IL1RN: variants seen among roughly 807,000 people sequenced by gnomAD.
IL1RN encodes the protein interleukin-1 receptor antagonist protein.
IL1RN carries 10 observed loss-of-function variants against 13.7 expected under a neutral mutation model. The observed-to-expected ratio is 0.73, with a 90% confidence interval of 0.45 to 1.24. The LOEUF is 1.24. Ranked by LOEUF, IL1RN falls within the 50% of genes most tolerant of loss-of-function variation. The probability of loss-of-function intolerance (pLI) is 0.00; values close to 1 mark genes in which losing one functional copy is unlikely to be tolerated. For missense variants in IL1RN, 213 were observed against 222.1 expected (o/e 0.96, Z 0.26); for synonymous variants, 102 against 82.7 (o/e 1.23, Z -1.27).
upstream of IL1RN, among the ~76,000 whole-genome samples, chr2:113,113,865 A>G (rs369597570): frequency 6.6e-6 from 1 of 152,262 alleles, no homozygotes; most frequent in African/African-American, 2.4e-5. Context: ...CCACGGACTC[A>G]TGTCTGTGAG....
At chr2:113,127,525 G>T, upstream of IL1RN, 1 of 1,515,104 alleles carries the variant, frequency 6.6e-7, no homozygotes. Context: ...CTCGCAGTGG[G>T]GCAGGGTGGC....
At chr2:113,127,791 G>T in intron 1 of IL1RN, 51 bp downstream of exon 1, 1 of 1,582,038 alleles carries the variant, frequency 6.3e-7, no homozygotes. Flanking sequence ...CTGGAGACTG[G>T]AAACATATCA....
rs1687232172 is a variant in IL1RN at position 113,133,082 on chromosome 2, T to C, written c.*211T>C. Reference sequence around the variant, plus strand: ...GCTGCCTCCAGAATGGTCTTTCTAATGTGTGAATCAGAGCACAGCAGCCCC... The same window carrying C: ...GCTGCCTCCAGAATGGTCTTTCTAACGTGTGAATCAGAGCACAGCAGCCCC... On this transcript the variant is annotated 3_prime_UTR_variant, in exon 4 of 4. Coordinates refer to ENST00000409930, the MANE Select transcript of IL1RN (RefSeq NM_173842.3). The C allele has an allele frequency of 1.6e-6, 1 of 632,816 alleles. No individual in the cohort carries two copies. Among genetic ancestry groups the C allele is most frequent in the South Asian group, 1.8e-5 (1 of 56,152 alleles). 39.2% of individuals were successfully genotyped at this position (632,816 alleles called of 1,614,324 possible).
upstream of IL1RN, among the ~76,000 whole-genome samples, chr2:113,125,904 TC>T (rs1169603909): frequency 6.6e-6 from 1 of 152,200 alleles, no homozygotes; most frequent in Non-Finnish European, 1.5e-5. Flanking sequence ...GTTCAAGTGA[TC>T]CTCCTGCCTC....
upstream of IL1RN, chr2:113,127,596 G>A (rs1402584065): frequency 6.2e-7 from 1 of 1,612,304 alleles, no homozygotes; most frequent in Non-Finnish European, 8.5e-7. Flanking sequence ...GCCCGCAATG[G>A]CAGTCCACTG....
upstream of IL1RN, among the ~76,000 whole-genome samples, chr2:113,125,234 A>G (rs1183486321): frequency 6.6e-6 from 1 of 152,252 alleles, no homozygotes; most frequent in African/African-American, 2.4e-5. Flanking sequence ...GATTATTAGC[A>G]AATACTTTGG....
chr2:113,125,878 G>A (rs542168982), upstream of IL1RN, among the ~76,000 whole-genome samples: 8 of 152,162 alleles, frequency 5.3e-5, no homozygotes, highest in Admixed American at 1.3e-4. Context: ...GGCTCACTGC[G>A]ACCTCCATCT....
upstream of IL1RN, among the ~76,000 whole-genome samples, chr2:113,104,118 A>G (rs540795130): frequency 6.6e-6 from 1 of 152,158 alleles, no homozygotes; most frequent in African/African-American, 2.4e-5. Context: ...CTATGGTTCT[A>G]CTGAAGCACT....
upstream of IL1RN, among the ~76,000 whole-genome samples, chr2:113,103,410 C>T (rs546084410): frequency 3.3e-5 from 5 of 152,314 alleles, no homozygotes; most frequent in African/African-American, 1.2e-4. Context: ...TAAGAACAAG[C>T]GTTCTCAAAA....
In IL1RN at chr2:113,118,054, T is replaced by C. The variant is rs16065; in HGVS notation, c.10+26T>C. 0.26 allele frequency: 412,472 copies of C among 1,608,216 alleles called. 56,563 individuals are homozygous for C. The highest frequency in any genetic ancestry group is 0.31 in the Admixed American group (18,344 of 59,968). ...GTAAGCTCCTTCCACTCTCATTTTT[T>C]CACCTGAGAAATGAGAGAGGAAAAT... On this transcript the variant is annotated intron_variant, in intron 1 of 5. Coordinates refer to the IL1RN transcript ENST00000259206.
chr2:113,117,772 C>A (rs1686628837), upstream of IL1RN: 5 of 595,384 alleles, frequency 8.4e-6, no homozygotes, highest in Non-Finnish European at 1.2e-5. Flanking sequence ...GGAAACTGGG[C>A]CTGCTTGGCA....
chr2:113,124,055 T>C (rs1421007047), upstream of IL1RN, among the ~76,000 whole-genome samples: 1 of 152,176 alleles, frequency 6.6e-6, no homozygotes, highest in Non-Finnish European at 1.5e-5. Flanking sequence ...CTCTGCTTCA[T>C]CAAAACCCCT....
At chr2:113,100,023 C>T in the IL1RN span, among the ~76,000 whole-genome samples, 5 of 137,560 alleles carry the variant, frequency 3.6e-5, no homozygotes, top group Admixed American at 7.1e-5. Flanking sequence ...CGTGAGCCAC[C>T]GCGACTGGCC....
rs1687086004 is a variant in IL1RN at position 113,129,565 on chromosome 2, T to C, written c.117-11T>C. On this transcript the variant is annotated splice_polypyrimidine_tract_variant and intron_variant, in intron 1 of 3. Transcript: ENST00000409930. Reference sequence around the variant, plus strand: ...GGCTGTGCACTACAGCTGAGTCCTTTTCCTTTTCAGAATCTGGGATGTTAA... The same window carrying C: ...GGCTGTGCACTACAGCTGAGTCCTTCTCCTTTTCAGAATCTGGGATGTTAA... 6.3e-7 allele frequency: 1 copy of C among 1,584,866 alleles called. No individual in the cohort carries two copies.
chr2:113,116,332 T>C (rs1160367839), upstream of IL1RN, among the ~76,000 whole-genome samples: 1 of 152,216 alleles, frequency 6.6e-6, no homozygotes, highest in Non-Finnish European at 1.5e-5. Flanking sequence ...CAAATCTAGT[T>C]TCTGATTCTT....
intron 1 of IL1RN, among the ~76,000 whole-genome samples, chr2:113,128,818 T>C: frequency 6.6e-6 from 1 of 152,136 alleles, no homozygotes. Flanking sequence ...GAGCTCTGTT[T>C]ATTACGTCTC....
chr2:113,121,743 C>A, intron 2 of IL1RN: 1 of 374,550 alleles, frequency 2.7e-6, no homozygotes, highest in Non-Finnish European at 3.7e-6. Context: ...TAGCAGCAAG[C>A]CTGGGGGCTG....
intron 1 of IL1RN, among the ~76,000 whole-genome samples, chr2:113,118,501 C>G (rs4251974): frequency 0.21 from 31,867 of 152,056 alleles, 4,100 homozygotes; most frequent in South Asian, 0.28. Flanking sequence ...GTCAGTTCCA[C>G]CAGTTGTCAC....
Position 113,133,006 on chromosome 2 carries a change from CA to C in IL1RN, c.*137del. The C allele has an allele frequency of 3.7e-6, 3 of 819,202 alleles. No individual in the cohort carries two copies. In the South Asian group the frequency reaches 4.2e-5, roughly 12 times the overall value. The allele number at this position is 819,202 out of a possible 1,614,324, so 50.7% of individuals were successfully genotyped here. On this transcript the variant is annotated 3_prime_UTR_variant, in exon 4 of 4. Coordinates refer to ENST00000409930, the MANE Select transcript of IL1RN (RefSeq NM_173842.3). The stretch of plus-strand genomic sequence containing the variant: ...AGGGGTGGACCCTCAGAAGGCGTCA[CA>C]ACAACCTGGTCACAGGACTCTGCCT...
Sources: allele counts gnomAD v4.1 joint callset (sites outside exome capture counted in the v4.1 genomes callset), GRCh38; gene constraint gnomAD v4.1.1; transcripts MANE v1.5; gene names NCBI Gene and HGNC (gene_info 2026-07-23, HGNC 2026-07-21).